The following SLCO1C1 variants were observed in gnomAD, a reference collection of about 807,000 sequenced individuals.
SLCO1C1 encodes the protein OAT-RP-5.
A neutral mutation model predicts 76.4 loss-of-function variants in SLCO1C1; 70 were observed. That is an observed-to-expected ratio of 0.92 (90% CI 0.76 to 1.12). The LOEUF (loss-of-function observed/expected upper bound fraction) is 1.12. SLCO1C1 is among the 50% of genes most tolerant of loss of function. SLCO1C1 has a pLI of 0.00. For synonymous variants in SLCO1C1, 306 were observed against 286.1 expected, an observed-to-expected ratio of 1.07 and a Z score of -0.70; for missense variants, 912 against 823.8, an observed-to-expected ratio of 1.11 and a Z score of -1.31.
chr12:20,707,645 G>A (rs1181968599), intron 4 of SLCO1C1, among the ~76,000 whole-genome samples: 1 of 152,052 alleles, frequency 6.6e-6, no homozygotes. Flanking sequence ...GCTTATCAAG[G>A]TTACCAACCT....
chr12:20,739,487 C>T (rs375344619), intron 11 of SLCO1C1, among the ~76,000 whole-genome samples: 6 of 151,280 alleles, frequency 4.0e-5, no homozygotes, highest in East Asian at 3.9e-4. Flanking sequence ...GTGTAATCAC[C>T]GAAGAGAAGA....
intron 9 of SLCO1C1, among the ~76,000 whole-genome samples, chr12:20,728,752 A>G (rs1450084143): frequency 6.6e-6 from 1 of 152,066 alleles, no homozygotes; most frequent in African/African-American, 2.4e-5. Flanking sequence ...CTTGCAGTCT[A>G]TTGTAATTGT....
At chr12:20,731,649 A>AT (rs1251740961) in intron 9 of SLCO1C1, among the ~76,000 whole-genome samples, 1 of 152,228 alleles carries the variant, frequency 6.6e-6, no homozygotes, top group Non-Finnish European at 1.5e-5. Flanking sequence ...TCAATGATTG[A>AT]TAGGTAGACA....
intron 3 of SLCO1C1, among the ~76,000 whole-genome samples, chr12:20,703,563 T>A (rs888689588): frequency 1.5e-4 from 23 of 151,854 alleles, no homozygotes; most frequent in African/African-American, 5.1e-4. Context: ...TTTTGATAGA[T>A]ACACTTTAAA....
intron 9 of SLCO1C1, among the ~76,000 whole-genome samples, chr12:20,724,565 A>G (rs1947867957): frequency 1.4e-5 from 2 of 147,984 alleles, no homozygotes; most frequent in South Asian, 2.1e-4. Context: ...CCCAAAGCTA[A>G]TAACTATACT....
intron 5 of SLCO1C1, among the ~76,000 whole-genome samples, chr12:20,712,594 A>G (rs1180753808): frequency 6.6e-6 from 1 of 152,202 alleles, no homozygotes; most frequent in Non-Finnish European, 1.5e-5. Flanking sequence ...AACCGGAGGA[A>G]CCACATTGTA....
At chr12:20,732,850 T>TGACAAAAA (rs1948354599) in intron 9 of SLCO1C1, 59 bp from the exon 10 acceptor site, 1 of 1,566,888 alleles carries the variant, frequency 6.4e-7, no homozygotes, top group Non-Finnish European at 8.7e-7. Context: ...AAGTTTGTGT[T>TGACAAAAA]AGTACACTCA....
intron 3 of SLCO1C1, among the ~76,000 whole-genome samples, chr12:20,703,220 T>G (rs1946606394): frequency 6.6e-6 from 1 of 151,906 alleles, no homozygotes; most frequent in Non-Finnish European, 1.5e-5. Context: ...TTTGCCTCTT[T>G]TTGCATTCCT....
chr12:20,736,536 G>A (rs1296476633), intron 10 of SLCO1C1, among the ~76,000 whole-genome samples: 1 of 152,156 alleles, frequency 6.6e-6, no homozygotes, highest in Non-Finnish European at 1.5e-5. Context: ...CAGGAGAAAG[G>A]TTGAATGAAC....
chr12:20,735,935 T>C (rs1485673255), intron 10 of SLCO1C1, among the ~76,000 whole-genome samples: 3 of 152,126 alleles, frequency 2.0e-5, no homozygotes, highest in Non-Finnish European at 4.4e-5. Flanking sequence ...CCTCTCTTGA[T>C]TGTACAGTTC....
intron 10 of SLCO1C1, among the ~76,000 whole-genome samples, chr12:20,733,685 C>A (rs370126912): frequency 2.0e-4 from 31 of 152,236 alleles, no homozygotes; most frequent in African/African-American, 5.8e-4. Flanking sequence ...CAGGAAACAA[C>A]GCCTGTCCTT....
intron 9 of SLCO1C1, among the ~76,000 whole-genome samples, chr12:20,727,752 G>A (rs1948092675): frequency 6.6e-6 from 1 of 152,102 alleles, no homozygotes; most frequent in East Asian, 1.9e-4. Flanking sequence ...CTTGTGATCT[G>A]CCCGCCTCGG....
intron 9 of SLCO1C1, among the ~76,000 whole-genome samples, chr12:20,723,939 T>G (rs986396380): frequency 5.3e-5 from 8 of 151,948 alleles, no homozygotes; most frequent in African/African-American, 1.9e-4. Context: ...TTCTCTAGTA[T>G]TGTAAAAATC....
At chr12:20,728,093 G>A (rs1202518317) in intron 9 of SLCO1C1, among the ~76,000 whole-genome samples, 1 of 152,078 alleles carries the variant, frequency 6.6e-6, no homozygotes, top group East Asian at 1.9e-4. Flanking sequence ...TTTGCCGAGT[G>A]TGATACTGAG....
chr12:20,719,353 A>G (rs1478714554), intron 7 of SLCO1C1, among the ~76,000 whole-genome samples: 1 of 152,092 alleles, frequency 6.6e-6, no homozygotes, highest in African/African-American at 2.4e-5. Flanking sequence ...TAGTAACCCT[A>G]CAATGACCTC....
chr12:20,726,347 G>C lies in SLCO1C1; in HGVS notation c.1186+3093G>C, dbSNP rs1947993157. Among the ~76,000 whole-genome samples the C allele has an allele frequency of 3.3e-5, 5 of 151,660 alleles. No individual in the cohort carries two copies. The South Asian group carries it at 1.0e-3, about 32-fold the overall frequency. The stretch of plus-strand genomic sequence containing the variant: ...GCACATTTCCTTTGCTTCTTTGAGA[G>C]AAGGCATTTGACATACCATGGAGGG... On this transcript the variant is annotated intron_variant, in intron 9 of 14. Transcript: ENST00000266509.
At chr12:20,752,230 T>G in intron 14 of SLCO1C1, 76 bp from the exon 15 acceptor site, 4 of 948,582 alleles carry the variant, frequency 4.2e-6, no homozygotes, top group Non-Finnish European at 6.1e-6. Context: ...ACCATCAGTA[T>G]GATATTATTA....
intron 7 of SLCO1C1, among the ~76,000 whole-genome samples, chr12:20,719,788 A>G (rs183688959): frequency 1.3e-5 from 2 of 152,340 alleles, no homozygotes; most frequent in Non-Finnish European, 2.9e-5. Context: ...CATAACACAA[A>G]AGTGCAAGGT....
chr12:20,705,562 T>C (rs776256483), intron 3 of SLCO1C1, among the ~76,000 whole-genome samples: 5 of 151,992 alleles, frequency 3.3e-5, no homozygotes, highest in Non-Finnish European at 5.9e-5. Flanking sequence ...AGAACACTAA[T>C]AGAAGTTTTC....
Sources: gnomAD v4.1 joint callset for allele counts (sites outside exome capture counted in the v4.1 genomes callset) on GRCh38, gnomAD v4.1.1 for gene constraint, MANE v1.5 for transcripts, NCBI Gene and HGNC (gene_info 2026-07-23, HGNC 2026-07-21) for gene names.